ATXN2: variants seen among roughly 807,000 people sequenced by gnomAD.
ATXN2 encodes ataxin-2.
ATXN2 carries 37 observed loss-of-function variants against 138.6 expected under a neutral mutation model. The ratio of observed to expected loss-of-function variants is 0.27; its 90% CI spans 0.21 to 0.35. ATXN2 has a LOEUF of 0.35. Ranked by LOEUF, ATXN2 falls within the 10% of genes least tolerant of loss-of-function variation. The pLI, the probability that ATXN2 is intolerant of heterozygous loss-of-function variation, is 1.00. For missense variants in ATXN2, 1,216 were observed against 1,480.3 expected, an observed-to-expected ratio of 0.82 and a Z score of 2.93; for synonymous variants, 549 against 543.7, an observed-to-expected ratio of 1.01 and a Z score of -0.13.
Position 111,525,244 on chromosome 12 carries a change from T to C in ATXN2, c.644A>G (p.Asp215Gly). The C allele has an allele frequency of 6.2e-7, 1 of 1,613,806 alleles. No homozygotes were observed. Among genetic ancestry groups the C allele is most frequent in the Non-Finnish European group, 8.5e-7 (1 of 1,179,950 alleles). ...CTCATTGGCTGTGAGTTCACCTGCA[T>C]CCCAGGGCTCCAGGTCCTTCTCTTT... Reference protein sequence around the residue: ...EHKEKDLEPWDAGELTANEEL... With the variant: ...EHKEKDLEPWGAGELTANEEL... The change falls in exon 6 of 25, where the codon GAT (aspartate) becomes GGT (glycine). Residue 215 changes from aspartate (D) to glycine (G), a missense_variant. Coordinates refer to ENST00000673436, the MANE Select transcript of ATXN2 (RefSeq NM_001372574.1).
chr12:111,581,699 A>G, intron 1 of ATXN2: 1 of 679,864 alleles, frequency 1.5e-6, no homozygotes, highest in Admixed American at 2.0e-5. Context: ...GTGCCTGAAC[A>G]TCTGGGCCCT....
rs1444256261 is a variant in ATXN2, at chr12:111,552,411, G to A, written c.440C>T (p.Ala147Val). The A allele has an allele frequency of 1.2e-6, 2 of 1,610,814 alleles. No homozygotes were observed. The highest frequency in any genetic ancestry group is 1.7e-6 in the Non-Finnish European group (2 of 1,179,072). ...GGATTCTGTACTTTTCTCATGTGCG[G>A]CATCAAGTACCAAATCACACTAAAA... Reference protein sequence around the residue: ...YSPKCDLVLDAAHEKSTESSS... With the variant: ...YSPKCDLVLDVAHEKSTESSS... Residue 147 changes from alanine to valine, a missense_variant, in exon 5 of 25, where the codon GCC (alanine) becomes GTC (valine). Around this residue, in one of 4 missense-constraint regions of ATXN2, gnomAD observed 401 missense variants for 528.1 expected, o/e 0.76. Transcript: ENST00000673436. The surrounding 1 kb of genome is among the most constrained non-coding windows in gnomAD (Gnocchi z 4.1).
At position 111,456,187 on chromosome 12, in the gene ATXN2, C is replaced by A. The variant is rs369512638; in HGVS notation, c.3112G>T (p.Ala1038Ser). 1.2e-6 allele frequency: 2 copies of A among 1,614,234 alleles called. No individual in the cohort carries two copies. Among genetic ancestry groups the A allele is most frequent in the Non-Finnish European group, 1.7e-6 (2 of 1,180,048 alleles). The change falls in exon 23 of 25, where the codon GCG (alanine) becomes TCG (serine). Residue 1038 changes from alanine to serine, a missense_variant. By Grantham distance (99) the Ala-to-Ser change is moderately conservative. Coordinates refer to ENST00000673436, the MANE Select transcript of ATXN2 (RefSeq NM_001372574.1). ...SPQQQSAIYH[A>S]GLAPTPPSMT... ...GAGGGTGGAGTTGGCGCAAGCCCCG[C>A]GTGGTAAATGGCTGACTGCTGCTGT...
At position 111,519,921 on chromosome 12, in the gene ATXN2, T is replaced by C. The variant is rs1007737522; in HGVS notation, c.944A>G (p.Gln315Arg). 1.9e-6 allele frequency: 3 copies of C among 1,614,104 alleles called. No homozygotes were observed. Among genetic ancestry groups the C allele is most frequent in the Non-Finnish European group, 2.5e-6 (3 of 1,180,052 alleles). ...RSEEEKYTAV[Q>R]RNSSEREGHS... Reference sequence around the variant, plus strand: ...CCCCTCACGTTCACTGGAATTTCTCTGAACTGCTGTGTATTTTTCTTCCTC... The same window carrying C: ...CCCCTCACGTTCACTGGAATTTCTCCGAACTGCTGTGTATTTTTCTTCCTC... The change falls in exon 8 of 25, where the codon CAG (glutamine) becomes CGG (arginine). Residue 315 changes from glutamine (Q) to arginine (R), a missense_variant. Coordinates refer to ENST00000673436, the MANE Select transcript of ATXN2 (RefSeq NM_001372574.1).
At chr12:111,534,834 C>T (rs1277193614) in intron 5 of ATXN2, among the ~76,000 whole-genome samples, 1 of 152,002 alleles carries the variant, frequency 6.6e-6, no homozygotes, top group Non-Finnish European at 1.5e-5. Context: ...CTATTCTATA[C>T]TAAAAAGAAA....
At chr12:111,521,574 G>A (rs1880159452) in intron 6 of ATXN2, among the ~76,000 whole-genome samples, 1 of 152,188 alleles carries the variant, frequency 6.6e-6, no homozygotes, top group East Asian at 1.9e-4. Flanking sequence ...ACGGTGAACA[G>A]GCAATCACTG....
intron 10 of ATXN2, among the ~76,000 whole-genome samples, chr12:111,515,169 G>A (rs1315675110): frequency 6.6e-6 from 1 of 152,084 alleles, no homozygotes; most frequent in African/African-American, 2.4e-5. Flanking sequence ...CTGCTTAGAT[G>A]GTAACAATTT....
intron 5 of ATXN2, among the ~76,000 whole-genome samples, chr12:111,541,165 T>C (rs1881478944): frequency 6.7e-6 from 1 of 149,680 alleles, no homozygotes; most frequent in Non-Finnish European, 1.5e-5. Flanking sequence ...TTCTCATTAA[T>C]CTATTTGGTT....
At chr12:111,561,936 C>T (rs1056216252) in intron 1 of ATXN2, among the ~76,000 whole-genome samples, 2 of 151,660 alleles carry the variant, frequency 1.3e-5, no homozygotes, top group Non-Finnish European at 2.9e-5. Context: ...CTCAGCCTCC[C>T]GAGTAGCTGG....
chr12:111,452,922 A>G (rs1874769329), intron 24 of ATXN2, 82 bp from the exon 25 acceptor site: 1 of 1,462,526 alleles, frequency 6.8e-7, no homozygotes, highest in Admixed American at 2.3e-5. Context: ...ACATGATTGT[A>G]AACTATCCTC....
At chr12:111,521,751 C>T (rs1416498211) in intron 6 of ATXN2, among the ~76,000 whole-genome samples, 1 of 152,156 alleles carries the variant, frequency 6.6e-6, no homozygotes, top group African/African-American at 2.4e-5. Context: ...AAAAGGGAGG[C>T]TGCCTTCTTT....
intron 14 of ATXN2, among the ~76,000 whole-genome samples, chr12:111,506,899 C>T (rs1257469818): frequency 2.0e-5 from 3 of 152,254 alleles, no homozygotes; most frequent in Admixed American, 6.5e-5. Context: ...CTCCTAACCG[C>T]GAGTGATCTG....
intron 21 of ATXN2, chr12:111,458,548 G>C (rs1388137897): frequency 6.6e-6 from 1 of 152,242 alleles, no homozygotes; most frequent in East Asian, 1.9e-4. Context: ...GAGGCAATGA[G>C]CTGAGAATAG....
chr12:111,453,925 C>G lies in ATXN2; in HGVS notation c.3271-80G>C. Reference sequence around the variant, plus strand: ...TGTCAACTGTGTTCCTTTCACTGGGCTGGGACTCTCAGGAAAGGGCAACGG... The same window carrying G: ...TGTCAACTGTGTTCCTTTCACTGGGGTGGGACTCTCAGGAAAGGGCAACGG... On this transcript the variant is annotated intron_variant, in intron 23 of 24. Transcript: ENST00000673436. The surrounding 1 kb of genome is among the most constrained non-coding windows in gnomAD (Gnocchi z 5.4). 1 of 1,447,974 alleles carries G rather than the reference C, an allele frequency of 6.9e-7. No homozygotes were observed. Among genetic ancestry groups the G allele is most frequent in the Non-Finnish European group, 9.3e-7 (1 of 1,070,038 alleles). The allele number at this position is 1,447,974 out of a possible 1,614,324, so 89.7% of individuals were successfully genotyped here.
chr12:111,583,664 G>C (rs1309385210), intron 1 of ATXN2, among the ~76,000 whole-genome samples: 5 of 151,010 alleles, frequency 3.3e-5, no homozygotes, highest in African/African-American at 1.2e-4. Flanking sequence ...CTATTCAGGA[G>C]GCTGAGGCAG....
Position 111,526,453 on chromosome 12 carries a change from G to A in ATXN2, c.572-1137C>T, listed in dbSNP as rs962552533. ...TGGAGCTTGCTCTTTCACCCAGACC[G>A]GAGTGCAGTGACACCATCTCGGCTC... On this transcript the variant is annotated intron_variant, in intron 5 of 24. Coordinates refer to ENST00000673436, the MANE Select transcript of ATXN2 (RefSeq NM_001372574.1). Among the ~76,000 whole-genome samples the A allele has an allele frequency of 1.1e-4, 16 of 149,146 alleles. No homozygotes were observed. The South Asian group carries it at 1.1e-3, about 10-fold the overall frequency.
rs376208652 is a variant in ATXN2, at chr12:111,538,260, TTC to T, written c.572-12946_572-12945del. On this transcript the variant is annotated intron_variant, in intron 5 of 24. Coordinates refer to ENST00000673436, the MANE Select transcript of ATXN2 (RefSeq NM_001372574.1). ...AGTATTTATTTTCCTTACTAATACA[TTC>T]TGTTTGTGAGAGGTACAAATTGGAT... Among the ~76,000 whole-genome samples, 300 of 152,306 alleles carry T rather than the reference TTC, an allele frequency of 2.0e-3. 1 individual carries two copies. The highest frequency in any genetic ancestry group is 0.01 in the Middle Eastern group (3 of 294).
At chr12:111,464,287 A>AGTGTGT (rs1875818870) in intron 21 of ATXN2, among the ~76,000 whole-genome samples, 1 of 88,940 alleles carries the variant, frequency 1.1e-5, no homozygotes, top group South Asian at 3.8e-4. Context: ...TGTGTGTATA[A>AGTGTGT]ATAAACATTT....
At chr12:111,466,297 G>A in intron 20 of ATXN2, among the ~76,000 whole-genome samples, 1 of 151,456 alleles carries the variant, frequency 6.6e-6, no homozygotes, top group East Asian at 1.9e-4. Flanking sequence ...AGGAGATCAA[G>A]ACCATCCTGG....
Sources: allele counts gnomAD v4.1 joint callset (sites outside exome capture counted in the v4.1 genomes callset), GRCh38; gene constraint gnomAD v4.1.1; regional missense constraint gnomAD v4.1.1; non-coding constraint Gnocchi (gnomAD v3.1); transcripts MANE v1.5; gene names NCBI Gene and HGNC (gene_info 2026-07-23, HGNC 2026-07-21).